The following FUCA1 variants were observed in gnomAD, a reference collection of about 807,000 sequenced individuals.
FUCA1 encodes the protein tissue alpha-L-fucosidase.
Under a neutral mutation model 56.8 loss-of-function variants are expected in FUCA1, and 52 were observed. The ratio of observed to expected loss-of-function variants is 0.92; its 90% confidence interval spans 0.73 to 1.15. FUCA1 has a LOEUF of 1.15. Among genes scored for constraint, FUCA1 ranks in the 50% most tolerant of loss-of-function variants. The pLI is 0.00. For synonymous variants in FUCA1, 230 were observed against 226.6 expected, an observed-to-expected ratio of 1.02 and a Z score of -0.14; for missense variants, 568 against 592.6, an observed-to-expected ratio of 0.96 and a Z score of 0.43.
intron 3 of FUCA1, among the ~76,000 whole-genome samples, chr1:23,862,066 G>A (rs1639521257): frequency 2.0e-5 from 3 of 152,196 alleles, no homozygotes; most frequent in Non-Finnish European, 4.4e-5. Flanking sequence ...AAAGAGTGGG[G>A]ATCTAAGATT....
Position 23,856,267 on chromosome 1 carries a change from G to A in FUCA1, c.769-1707C>T, listed in dbSNP as rs533640909. ...TCAGAGTGAATAAAGGTGTCTCCTT[G>A]CCACACCTCCTCTTTCTCAGAGTCC... On this transcript the variant is annotated intron_variant, in intron 4 of 7. Coordinates refer to ENST00000374479, the MANE Select transcript of FUCA1 (RefSeq NM_000147.5). Among the ~76,000 whole-genome samples the A allele has an allele frequency of 2.6e-5, 4 of 152,222 alleles. No individual in the cohort carries two copies. The East Asian group carries it at 7.7e-4, about 29-fold the overall frequency.
intron 5 of FUCA1, among the ~76,000 whole-genome samples, chr1:23,851,851 C>G (rs1639265635): frequency 6.6e-6 from 1 of 151,866 alleles, no homozygotes; most frequent in African/African-American, 2.4e-5. Context: ...CACACCAGGG[C>G]TTGTTGGAAT....
rs2148450151 is a variant in FUCA1, at chr1:23,867,469, C to G, written c.389+429G>C. Among the ~76,000 whole-genome samples, 1 of 152,270 alleles carries G rather than the reference C, an allele frequency of 6.6e-6. No homozygotes were observed. The highest frequency in any genetic ancestry group is 1.5e-5 in the Non-Finnish European group (1 of 68,004). Reference sequence around the variant, plus strand: ...ACATTAGGGCTCAAAGGGTTGTATCCTTATATAACCCCTTTCTACAACCAT... The same window carrying G: ...ACATTAGGGCTCAAAGGGTTGTATCGTTATATAACCCCTTTCTACAACCAT... On this transcript the variant is annotated intron_variant, in intron 1 of 7. Coordinates refer to ENST00000374479, the MANE Select transcript of FUCA1 (RefSeq NM_000147.5). This position sits in a 1 kb window ranked among gnomAD's most constrained non-coding sequence, Gnocchi z 4.9.
intron 5 of FUCA1, among the ~76,000 whole-genome samples, chr1:23,850,372 C>T (rs1639230903): frequency 6.6e-6 from 1 of 151,682 alleles, no homozygotes; most frequent in Admixed American, 6.6e-5. Context: ...TACAGTACTC[C>T]AAGTGACACC....
At chr1:23,856,573 C>T (rs1639395036) in intron 4 of FUCA1, among the ~76,000 whole-genome samples, 1 of 152,182 alleles carries the variant, frequency 6.6e-6, no homozygotes, top group Non-Finnish European at 1.5e-5. Flanking sequence ...GCTACGGCAC[C>T]GGCTCTCAAT....
Position 23,846,106 on chromosome 1 carries a change from G to C in FUCA1, c.1228C>G (p.Leu410Val). The C allele has an allele frequency of 6.2e-7, 1 of 1,613,940 alleles. No homozygotes were observed. Among genetic ancestry groups the C allele is most frequent in the Non-Finnish European group, 8.5e-7 (1 of 1,179,858 alleles). The change falls in exon 7 of 8, where the codon CTT becomes GTT. Residue 410 changes from leucine to valine, a missense_variant. Coordinates refer to ENST00000374479, the MANE Select transcript of FUCA1 (RefSeq NM_000147.5). Reference protein sequence around the residue: ...LHWPENGVLNLESPITTSTTK... With the variant: ...LHWPENGVLNVESPITTSTTK... ...GTTGAGGTAGTTATGGGGGATTCAA[G>C]GTTTAAGACTCCATTTTCTGGCCAG...
rs1228353100 is a variant in FUCA1 at position 23,867,942 on chromosome 1, G to C, written c.345C>G (p.Phe115Leu). 7 of 1,568,970 alleles carry C rather than the reference G, an allele frequency of 4.5e-6. No individual in the cohort carries two copies. In the Admixed American group the frequency reaches 1.3e-4, roughly 30 times the overall value. Residue 115 changes from phenylalanine to leucine, a missense_variant, in exon 1 of 8, where the codon TTC becomes TTG. By Grantham distance (22) the Phe-to-Leu change is conservative. Transcript: ENST00000374479. The surrounding 1 kb of genome is among the most constrained non-coding windows in gnomAD (Gnocchi z 4.9). ...AGAGGTCGGCCCACTCCTCCGGGTG[G>C]AAGAAGCGCGCAGTGAACTGCGGTC... ...DFGPQFTARF[F>L]HPEEWADLFQ...
chr1:23,852,369 G>C (rs1284794031), intron 5 of FUCA1, among the ~76,000 whole-genome samples: 1 of 151,786 alleles, frequency 6.6e-6, no homozygotes, highest in Non-Finnish European at 1.5e-5. Flanking sequence ...TTACAGTGAG[G>C]TATGATCGTG....
intron 5 of FUCA1, among the ~76,000 whole-genome samples, chr1:23,854,151 G>A (rs972953913): frequency 6.6e-6 from 1 of 151,850 alleles, no homozygotes; most frequent in Non-Finnish European, 1.5e-5. Flanking sequence ...AACCAACACC[G>A]TTAAAGCCCT....
rs1417673321 is a variant in FUCA1, at chr1:23,854,452, A to T, written c.877T>A (p.Trp293Arg). ...FKPQSLPDHK[W>R]EMCTSIDKFS... ...TTGTCAATGCTGGTGCACATCTCCC[A>T]CTTGTGATCTGGCAAGCTCTGTGGC... The change falls in exon 5 of 8, where the codon TGG (tryptophan) becomes AGG (arginine). Residue 293 changes from tryptophan (W) to arginine (R), a missense_variant. By Grantham distance (101) the Trp-to-Arg change is moderately radical. Transcript: ENST00000374479. 1.2e-6 allele frequency: 2 copies of T among 1,614,008 alleles called. No homozygotes were observed. Among genetic ancestry groups the T allele is most frequent in the African/African-American group, 2.7e-5 (2 of 74,916 alleles).
At chr1:23,855,314 G>A (rs1198704885) in intron 4 of FUCA1, among the ~76,000 whole-genome samples, 1 of 152,172 alleles carries the variant, frequency 6.6e-6, no homozygotes, top group Admixed American at 6.6e-5. Flanking sequence ...TGGCTAACAC[G>A]GTGAAATCCC....
chr1:23,859,707 T>C (rs1639467124), intron 4 of FUCA1, 91 bp downstream of exon 4: 1 of 774,782 alleles, frequency 1.3e-6, no homozygotes, highest in Non-Finnish European at 2.3e-6. Flanking sequence ...CTGTTTATTA[T>C]TGCTGCTGCT....
intron 7 of FUCA1, 56 bp from the exon 8 acceptor site, chr1:23,845,911 T>C (rs1456288228): frequency 1.6e-5 from 25 of 1,585,198 alleles, no homozygotes; most frequent in Non-Finnish European, 1.9e-5. Flanking sequence ...GAGTATAGAA[T>C]ACAGGCTGAC....
chr1:23,863,350 T>G, intron 2 of FUCA1, 79 bp from the exon 3 acceptor site: 1 of 1,461,812 alleles, frequency 6.8e-7, no homozygotes, highest in South Asian at 1.2e-5. Context: ...AGTTCTAGCA[T>G]TTTTTCATTT....
intron 5 of FUCA1, among the ~76,000 whole-genome samples, chr1:23,852,648 G>A (rs1267534735): frequency 1.7e-4 from 26 of 152,206 alleles, no homozygotes; most frequent in Admixed American, 3.9e-4. Flanking sequence ...ACTGGTTTTC[G>A]TATTTTTTTG....
Position 23,845,358 on chromosome 1 carries a change from C to G in FUCA1, c.*357G>C. On this transcript the variant is annotated 3_prime_UTR_variant, in exon 8 of 8. Coordinates refer to ENST00000374479, the MANE Select transcript of FUCA1 (RefSeq NM_000147.5). ...AGCTTGCCAAATCCTTCCACCTCCT[C>G]CCATAGGCAACAGGGTGACTTGGCT... 2.9e-6 allele frequency: 1 copy of G among 349,556 alleles called. No homozygotes were observed. The highest frequency in any genetic ancestry group is 4.2e-5 in the Admixed American group (1 of 23,634). The allele number at this position is 349,556 out of a possible 1,614,324, so 21.7% of individuals were successfully genotyped here.
At chr1:23,863,101 A>C (rs1639542243) in intron 3 of FUCA1, 33 bp downstream of exon 3, 1 of 1,612,704 alleles carries the variant, frequency 6.2e-7, no homozygotes, top group Non-Finnish European at 8.5e-7. Context: ...TCATTGATAA[A>C]AGTCATAGGG....
At chr1:23,852,572 C>G (rs1459339503) in intron 5 of FUCA1, among the ~76,000 whole-genome samples, 1 of 152,106 alleles carries the variant, frequency 6.6e-6, no homozygotes, top group Non-Finnish European at 1.5e-5. Flanking sequence ...CTGCAGCCTC[C>G]CTGCCTGATT....
chr1:23,853,329 C>G (rs911031155), intron 5 of FUCA1, among the ~76,000 whole-genome samples: 5 of 151,994 alleles, frequency 3.3e-5, no homozygotes, highest in Non-Finnish European at 7.4e-5. Context: ...GCAGCCACCC[C>G]ATCCGGGAGG....
Sources: allele counts gnomAD v4.1 joint callset (sites outside exome capture counted in the v4.1 genomes callset), GRCh38; gene constraint gnomAD v4.1.1; non-coding constraint Gnocchi (gnomAD v3.1); transcripts MANE v1.5; gene names NCBI Gene and HGNC (gene_info 2026-07-23, HGNC 2026-07-21).